Variants in TMEM47 observed in about 807,000 individuals in gnomAD.
The protein encoded by TMEM47 is brain cell membrane protein 1.
A neutral mutation model predicts 12.4 loss-of-function variants in TMEM47; 3 were observed. The ratio of observed to expected loss-of-function variants is 0.24; its 90% CI spans 0.11 to 0.63. The LOEUF is 0.63. Ranked by LOEUF, TMEM47 falls within the 20% of genes least tolerant of loss-of-function variation. TMEM47 has a pLI of 0.86. For missense variants in TMEM47, 89 were observed against 143.8 expected (o/e 0.62, Z 1.95); for synonymous variants, 62 against 63.3 (o/e 0.98, Z 0.10).
intron 1 of TMEM47, among the ~76,000 whole-genome samples, chrX:34,653,367 T>TA (rs57746644): frequency 0.24 from 26,794 of 110,260 alleles, 2,716 homozygotes; most frequent in East Asian, 0.62. Context: ...TATTTTGGGA[T>TA]AAAAAAAGGA....
Position 34,630,315 on chromosome X carries a change from A to G in TMEM47, c.544T>C (p.Ter182GlnextTer3), listed in dbSNP as rs769538642. The change falls in exon 3 of 3, where the codon TAG becomes CAG. Residue 182 changes from the stop codon to glutamine, a stop_lost. Coordinates refer to ENST00000275954, the MANE Select transcript of TMEM47 (RefSeq NM_031442.4). ...LNPKNYEDYY[*>Q] is the part of the protein sequence containing the mutation. Reference sequence around the variant, plus strand: ...TTTTTACTTTGAGACTATTGGTTCTAGTAGTAGTCTTCATAGTTCTTAGGG... The same window carrying G: ...TTTTTACTTTGAGACTATTGGTTCTGGTAGTAGTCTTCATAGTTCTTAGGG... 5.0e-6 allele frequency: 6 copies of G among 1,200,230 alleles called. No homozygotes were observed. The highest frequency in any genetic ancestry group is 3.0e-5 in the East Asian group (1 of 33,697).
chrX:34,643,393 C>T (rs1056509426), intron 1 of TMEM47, among the ~76,000 whole-genome samples: 3 of 110,341 alleles, frequency 2.7e-5, no homozygotes, highest in Non-Finnish European at 3.8e-5. Flanking sequence ...CTTGTTCTAC[C>T]CTGACTTTTC....
intron 1 of TMEM47, among the ~76,000 whole-genome samples, chrX:34,648,822 C>G (rs888811102): frequency 8.9e-6 from 1 of 112,125 alleles, no homozygotes; most frequent in African/African-American, 3.2e-5. Context: ...TAGCCAGCAT[C>G]CATAAAGAAC....
At chrX:34,633,271 G>A (rs1236013904) in intron 2 of TMEM47, among the ~76,000 whole-genome samples, 1 of 111,878 alleles carries the variant, frequency 8.9e-6, no homozygotes, top group Non-Finnish European at 1.9e-5. Flanking sequence ...CAGGGATGAG[G>A]GCTGCTCTTT....
At position 34,630,279 on chromosome X, in the gene TMEM47, G is replaced by C; in HGVS notation, c.*34C>G. On this transcript the variant is annotated 3_prime_UTR_variant, in exon 3 of 3. Transcript: ENST00000275954. ...TGCAGACGTAATCCTTTTGTTGGAT[G>C]GTGGTGGTTGTTTTTACTTTGAGAC... is the stretch of plus-strand genomic sequence containing the variant. 1 of 1,132,151 alleles carries C rather than the reference G, an allele frequency of 8.8e-7. No individual in the cohort carries two copies. Among genetic ancestry groups the C allele is most frequent in the Non-Finnish European group, 1.2e-6 (1 of 841,531 alleles). 93.3% of individuals were successfully genotyped at this position (1,132,151 alleles called of 1,213,427 possible). A position where few individuals can be genotyped will look rare whatever the true frequency, so the allele number is the denominator to read the frequency against.
Position 34,629,315 on chromosome X carries a change from T to C in TMEM47, c.*998A>G, listed in dbSNP as rs1267804920. ...ACAGTAAAGAACATAGAGCAAAAGC[T>C]TTAAGGTACCATACTTTTGTATGGT... On this transcript the variant is annotated 3_prime_UTR_variant, in exon 3 of 3. Transcript: ENST00000275954. 9.0e-6 allele frequency: 1 copy of C among 111,474 alleles called. No individual in the cohort carries two copies. The highest frequency in any genetic ancestry group is 2.8e-4 in the East Asian group (1 of 3,540). The allele number at this position is 111,474 out of a possible 1,213,427, so 9.2% of individuals were successfully genotyped here.
chrX:34,643,421 G>T (rs2147140011), intron 1 of TMEM47, among the ~76,000 whole-genome samples: 1 of 111,103 alleles, frequency 9.0e-6, no homozygotes, highest in East Asian at 2.8e-4. Context: ...AGATTTGCAT[G>T]CCACAAATAC....
chrX:34,640,621 A>G (rs187370766), intron 1 of TMEM47, among the ~76,000 whole-genome samples: 1,170 of 111,930 alleles, frequency 0.01, 9 homozygotes, highest in Non-Finnish European at 0.016. Flanking sequence ...CTATCATTAA[A>G]TTGCAATGGA....
intron 1 of TMEM47, among the ~76,000 whole-genome samples, chrX:34,650,486 C>T (rs1451210242): frequency 2.7e-5 from 3 of 111,702 alleles, no homozygotes; most frequent in African/African-American, 6.5e-5. Context: ...TTATTAAACA[C>T]GTTACAACTC....
At chrX:34,645,207 A>C (rs1921889449) in intron 1 of TMEM47, among the ~76,000 whole-genome samples, 1 of 111,984 alleles carries the variant, frequency 8.9e-6, no homozygotes, top group African/African-American at 3.2e-5. Context: ...AGGATGGTTT[A>C]GTACTAAAGG....
rs192957670 is a variant in TMEM47, at chrX:34,633,739, G to A, written c.368-3248C>T. Among the ~76,000 whole-genome samples, 787 of 110,969 alleles carry A rather than the reference G, an allele frequency of 7.1e-3. 6 individuals carry two copies. The highest frequency in any genetic ancestry group is 0.024 in the African/African-American group (733 of 30,543). On this transcript the variant is annotated intron_variant, in intron 2 of 2. Transcript: ENST00000275954. Reference sequence around the variant, plus strand: ...TATTCATTTCAACGTGTTTTATTTAGCAAATATTTGGCCTCCATGGTATAA... The same window carrying A: ...TATTCATTTCAACGTGTTTTATTTAACAAATATTTGGCCTCCATGGTATAA...
At position 34,657,190 on chromosome X, in the gene TMEM47, G is replaced by C. The variant is rs1922129977; in HGVS notation, c.-161C>G. ...CGCCCCCTGCCGCGCGGCCAAGGTGGGTCTGCGGAGGCGGCCGGCCGGGTG... is the reference window on the plus strand; with the variant it reads ...CGCCCCCTGCCGCGCGGCCAAGGTGCGTCTGCGGAGGCGGCCGGCCGGGTG... On this transcript the variant is annotated 5_prime_UTR_variant, in exon 1 of 3. Coordinates refer to ENST00000275954, the MANE Select transcript of TMEM47 (RefSeq NM_031442.4). 6.1e-6 allele frequency: 5 copies of C among 822,425 alleles called. No homozygotes were observed. The highest frequency in any genetic ancestry group is 1.2e-4 in the Admixed American group (2 of 16,752). 67.8% of individuals were successfully genotyped at this position (822,425 alleles called of 1,213,427 possible).
At chrX:34,640,720 C>T (rs909200611) in intron 1 of TMEM47, among the ~76,000 whole-genome samples, 1 of 111,540 alleles carries the variant, frequency 9.0e-6, no homozygotes, top group Non-Finnish European at 1.9e-5. Context: ...CTCTTTGTTA[C>T]GGTAGGATAA....
chrX:34,638,978 A>G (rs1288948334), intron 2 of TMEM47, among the ~76,000 whole-genome samples: 1 of 112,031 alleles, frequency 8.9e-6, no homozygotes, highest in African/African-American at 3.2e-5. Flanking sequence ...ACCTGCTGCA[A>G]TTCCTAAGGT....
intron 1 of TMEM47, among the ~76,000 whole-genome samples, chrX:34,650,464 A>C (rs761630412): frequency 1.4e-4 from 16 of 112,176 alleles, no homozygotes; most frequent in Admixed American, 5.7e-4. Context: ...TATGTTAAAA[A>C]TCTTGTCTAT....
At chrX:34,632,827 C>A (rs1412075803) in intron 2 of TMEM47, among the ~76,000 whole-genome samples, 1 of 111,696 alleles carries the variant, frequency 9.0e-6, no homozygotes, top group Non-Finnish European at 1.9e-5. Context: ...AAAAAAAGCC[C>A]AGTTGGCTCT....
At chrX:34,641,165 C>T (rs1921810392) in intron 1 of TMEM47, among the ~76,000 whole-genome samples, 1 of 109,437 alleles carries the variant, frequency 9.1e-6, no homozygotes, top group African/African-American at 3.3e-5. Flanking sequence ...CACAAGTGCA[C>T]AATTATATTG....
intron 1 of TMEM47, among the ~76,000 whole-genome samples, chrX:34,641,602 T>G (rs1569163669): frequency 8.9e-6 from 1 of 112,328 alleles, no homozygotes; most frequent in African/African-American, 3.2e-5. Context: ...CAGCCATAAT[T>G]CAAACAGGAA....
rs759540629 is a variant in TMEM47 at position 34,647,313 on chromosome X, T to C, written c.227-7926A>G. 2.4e-4 allele frequency among the ~76,000 whole-genome samples: 27 copies of C among 111,691 alleles called. 1 individual carries two copies. The highest frequency in any genetic ancestry group is 4.5e-4 in the Non-Finnish European group (24 of 53,036). ...TCTGTCCCTTTTTATGTACAGAGAA[T>C]AAGTAATTCAGGGGTCTCGACTTCT... On this transcript the variant is annotated intron_variant, in intron 1 of 2. Transcript: ENST00000275954.
Sources: allele counts gnomAD v4.1 joint callset (sites outside exome capture counted in the v4.1 genomes callset), GRCh38; gene constraint gnomAD v4.1.1; transcripts MANE v1.5; gene names NCBI Gene and HGNC (gene_info 2026-07-23, HGNC 2026-07-21).